Variants in XG observed in about 807,000 individuals in gnomAD.
XG encodes glycoprotein Xg.
A neutral mutation model predicts 25.7 loss-of-function variants in XG; 24 were observed. The observed-to-expected ratio is 0.93, with a 90% CI of 0.68 to 1.31. The LOEUF is 1.31. XG is among the 40% of genes most tolerant of loss of function. The pLI is 0.00. For synonymous variants in XG, 77 were observed against 69.2 expected, an observed-to-expected ratio of 1.11 and a Z score of -0.56; for missense variants, 181 against 187.6, an observed-to-expected ratio of 0.96 and a Z score of 0.21.
chrX:2,789,711 T>A lies in XG; in HGVS notation c.253+5T>A. On this transcript the variant is annotated splice_donor_5th_base_variant and intron_variant, in intron 5 of 10. Coordinates refer to ENST00000644266, the MANE Select transcript of XG (RefSeq NM_001141919.2). ...GCAATTCCGGCAACAGTGGAGGTAA[T>A]GAGTATTTATTTATTTATTTTTATT... 1 of 1,012,601 alleles carries A rather than the reference T, an allele frequency of 9.9e-7. No homozygotes were observed. 83.4% of individuals were successfully genotyped at this position (1,012,601 alleles called of 1,213,427 possible). A position where few individuals can be genotyped will look rare whatever the true frequency, so the allele number is the denominator to read the frequency against.
chrX:2,793,790 G>C (rs986376498), intron 5 of XG, among the ~76,000 whole-genome samples: 6 of 111,790 alleles, frequency 5.4e-5, no homozygotes, highest in African/African-American at 2.0e-4. Context: ...GTGGGGACCT[G>C]AGAAGCTGGA....
intron 10 of XG, among the ~76,000 whole-genome samples, chrX:2,813,033 TAGTTTTA>T (rs1183002879): frequency 8.9e-6 from 1 of 112,177 alleles, no homozygotes. Flanking sequence ...GAAATAGGTG[TAGTTTTA>T]AAAACGTGGA....
At chrX:2,763,976 C>T (rs1260474260) in intron 1 of XG, among the ~76,000 whole-genome samples, 3 of 152,104 alleles carry the variant, frequency 2.0e-5, no homozygotes, top group African/African-American at 7.2e-5. Flanking sequence ...GCTGCATTCC[C>T]GGATGGTCAA....
chrX:2,782,593 G>A (rs2086741279), intron 4 of XG, among the ~76,000 whole-genome samples: 1 of 111,340 alleles, frequency 9.0e-6, no homozygotes, highest in African/African-American at 3.3e-5. Flanking sequence ...GGAACCATAG[G>A]GGGTTGAAGT....
chrX:2,767,926 C>A (rs2050735562), intron 1 of XG, among the ~76,000 whole-genome samples: 1 of 152,138 alleles, frequency 6.6e-6, no homozygotes, highest in African/African-American at 2.4e-5. Flanking sequence ...CCAAGCAAAG[C>A]CTAAAGCCCC....
chrX:2,813,484 C>A (rs972338572), intron 10 of XG, among the ~76,000 whole-genome samples: 1 of 112,359 alleles, frequency 8.9e-6, no homozygotes, highest in African/African-American at 3.2e-5. Flanking sequence ...CAGCTGTCCA[C>A]CTCTCCTTAG....
At chrX:2,767,119 A>C (rs916116435) in intron 1 of XG, among the ~76,000 whole-genome samples, 4 of 152,108 alleles carry the variant, frequency 2.6e-5, no homozygotes, top group Admixed American at 6.6e-5. Context: ...AGCCTGAACC[A>C]CGTGCAGGTC....
At chrX:2,797,716 G>A (rs1463471181) in intron 7 of XG, among the ~76,000 whole-genome samples, 2 of 110,915 alleles carry the variant, frequency 1.8e-5, no homozygotes, top group East Asian at 2.8e-4. Context: ...GGCGCAGCTC[G>A]CTTACTTCAA....
chrX:2,804,669 A>G (rs771460047), intron 7 of XG, among the ~76,000 whole-genome samples: 2 of 111,685 alleles, frequency 1.8e-5, no homozygotes, highest in Admixed American at 9.5e-5. Context: ...ATCAGGTAGA[A>G]AGAAGTGATT....
chrX:2,773,521 A>AGGAAGGAAGGAGAGAG (rs2050883660), intron 2 of XG, among the ~76,000 whole-genome samples: 2 of 95,264 alleles, frequency 2.1e-5, no homozygotes, highest in African/African-American at 4.2e-5. Context: ...GAAGGAGAGA[A>AGGAAGGAAGGAGAGAG]GGAAGGAAGG....
chrX:2,766,579 T>C (rs1025592522), intron 1 of XG, among the ~76,000 whole-genome samples: 13 of 82,396 alleles, frequency 1.6e-4, no homozygotes, highest in African/African-American at 7.3e-4. Flanking sequence ...TTTTTTTTTT[T>C]TTCAAGACAG....
intron 1 of XG, among the ~76,000 whole-genome samples, chrX:2,765,376 G>GGGAGGGAA (rs1328694787): frequency 1.4e-5 from 2 of 144,024 alleles, no homozygotes; most frequent in African/African-American, 5.3e-5. Flanking sequence ...GAGGGAGGGA[G>GGGAGGGAA]GGAAGGAAGG....
chrX:2,757,165 T>A (rs748748680), intron 1 of XG, among the ~76,000 whole-genome samples: 4 of 152,222 alleles, frequency 2.6e-5, no homozygotes, highest in South Asian at 4.2e-4. Context: ...CATCCCCAGC[T>A]GAACACCTCT....
At chrX:2,794,455 C>T in intron 5 of XG, 80 bp from the exon 6 acceptor site, 1 of 1,056,916 alleles carries the variant, frequency 9.5e-7, no homozygotes, top group Admixed American at 2.9e-5. Flanking sequence ...AAACCTGTGC[C>T]AGTGCCCCCA....
chrX:2,763,484 AG>A (rs932102469), intron 1 of XG, among the ~76,000 whole-genome samples: 1 of 97,774 alleles, frequency 1.0e-5, no homozygotes, highest in African/African-American at 4.0e-5. Flanking sequence ...TGGCGGTGGG[AG>A]GGGGGTGGAA....
chrX:2,784,719 C>T (rs1408364667), intron 4 of XG, among the ~76,000 whole-genome samples: 1 of 111,878 alleles, frequency 8.9e-6, no homozygotes, highest in Non-Finnish European at 1.9e-5. Context: ...AAGAGAGGCT[C>T]AGGCTGGGGA....
chrX:2,764,541 G>A (rs2050632723), intron 1 of XG, among the ~76,000 whole-genome samples: 2 of 151,938 alleles, frequency 1.3e-5, no homozygotes, highest in African/African-American at 4.8e-5. Context: ...GGATTTGCCT[G>A]AAGGAAGTCA....
chrX:2,805,863 A>G (rs963285348), intron 7 of XG, among the ~76,000 whole-genome samples: 3 of 111,855 alleles, frequency 2.7e-5, no homozygotes, highest in African/African-American at 9.7e-5. Flanking sequence ...CCTGGGGGTT[A>G]GGACTGCGAC....
intron 9 of XG, among the ~76,000 whole-genome samples, chrX:2,811,106 T>G (rs2087050803): frequency 1.2e-5 from 1 of 83,286 alleles, no homozygotes; most frequent in Non-Finnish European, 2.2e-5. Flanking sequence ...CTTCCTAAGG[T>G]TTTTTTTTCT....
Sources: gnomAD v4.1 joint callset for allele counts (sites outside exome capture counted in the v4.1 genomes callset) on GRCh38, gnomAD v4.1.1 for gene constraint, MANE v1.5 for transcripts, NCBI Gene and HGNC (gene_info 2026-07-23, HGNC 2026-07-21) for gene names.